Variants in ALDH1L2 observed in about 807,000 individuals in gnomAD.
ALDH1L2 encodes the protein aldehyde dehydrogenase 1 family member L2.
Under a neutral mutation model 111.0 loss-of-function variants are expected in ALDH1L2, and 91 were observed. The observed-to-expected ratio is 0.82, with a 90% CI of 0.69 to 0.98. The LOEUF is 0.98. Among genes scored for constraint, ALDH1L2 ranks in the 50% least tolerant of loss-of-function variants. ALDH1L2 has a pLI of 0.00. For synonymous variants in ALDH1L2, 374 were observed against 392.6 expected, an observed-to-expected ratio of 0.95 and a Z score of 0.56; for missense variants, 995 against 1,126.8, an observed-to-expected ratio of 0.88 and a Z score of 1.67.
intron 19 of ALDH1L2, among the ~76,000 whole-genome samples, chr12:105,032,614 TTAAG>T (rs896327058): frequency 2.0e-5 from 3 of 152,016 alleles, no homozygotes; most frequent in African/African-American, 7.3e-5. Flanking sequence ...CCTAGAGGGG[TTAAG>T]TAAGTGCACC....
chr12:105,046,212 TATATATATA>T lies in ALDH1L2; in HGVS notation c.1863+489_1863+497del, dbSNP rs1440220357. Among the ~76,000 whole-genome samples the T allele has an allele frequency of 4.2e-3, 257 of 61,648 alleles. 4 individuals are homozygous for T. Among genetic ancestry groups the T allele is most frequent in the East Asian group, 6.6e-3 (13 of 1,958 alleles). 40.4% of individuals were successfully genotyped at this position (61,648 alleles called of 152,430 possible). A position where few individuals can be genotyped will look rare whatever the true frequency, so the allele number is the denominator to read the frequency against. ...CTCTCTCTATATATATATATATATA[TATATATATA>T]TTTTTTTTTTTTTTTTTTTTTTTTT... On this transcript the variant is annotated intron_variant, in intron 15 of 22. Coordinates refer to ENST00000258494, the MANE Select transcript of ALDH1L2 (RefSeq NM_001034173.4).
chr12:105,050,813 A>G (rs1460589705), intron 12 of ALDH1L2: 2 of 333,216 alleles, frequency 6.0e-6, no homozygotes, highest in Non-Finnish European at 1.2e-5. Flanking sequence ...CATGAGACTT[A>G]TATACTTTCA....
intron 15 of ALDH1L2, among the ~76,000 whole-genome samples, chr12:105,045,093 TG>T (rs67075142): frequency 0.1 from 15,623 of 152,230 alleles, 897 homozygotes; most frequent in Middle Eastern, 0.16. Context: ...TTTGTTTGTT[TG>T]TTTTTTGAGA....
intron 18 of ALDH1L2, among the ~76,000 whole-genome samples, chr12:105,035,947 T>TTA (rs369184452): frequency 3.4e-5 from 3 of 87,934 alleles, no homozygotes; most frequent in Non-Finnish European, 5.9e-5. Context: ...TGTATATATA[T>TTA]TATATATATA....
intron 21 of ALDH1L2, chr12:105,030,114 T>C (rs988749908): frequency 5.6e-6 from 2 of 357,892 alleles, no homozygotes; most frequent in Admixed American, 4.6e-5. Context: ...AAGCCCATTA[T>C]GTTGGCCATT....
intron 18 of ALDH1L2, among the ~76,000 whole-genome samples, chr12:105,035,347 A>T (rs1228609573): frequency 6.6e-6 from 1 of 152,130 alleles, no homozygotes; most frequent in East Asian, 1.9e-4. Flanking sequence ...TATTTAAGAC[A>T]GTGTTTCTCT....
intron 2 of ALDH1L2, among the ~76,000 whole-genome samples, chr12:105,071,791 A>G (rs1187701820): frequency 6.7e-6 from 1 of 149,480 alleles, no homozygotes; most frequent in Non-Finnish European, 1.5e-5. Flanking sequence ...CGAGTAGTAT[A>G]TATTTAAAAA....
At chr12:105,059,198 C>T (rs1248981208) in intron 9 of ALDH1L2, among the ~76,000 whole-genome samples, 3 of 151,618 alleles carry the variant, frequency 2.0e-5, no homozygotes, top group Non-Finnish European at 2.9e-5. Context: ...ACCTGGGAGA[C>T]GGAGGTTGCA....
intron 15 of ALDH1L2, among the ~76,000 whole-genome samples, chr12:105,042,080 A>AACAC (rs57015503): frequency 3.9e-4 from 59 of 151,418 alleles, no homozygotes; most frequent in South Asian, 1.7e-3. Context: ...ATGTATACAC[A>AACAC]ACACACACAC....
At chr12:105,075,540 G>A (rs567060001) in intron 1 of ALDH1L2, among the ~76,000 whole-genome samples, 84 of 152,150 alleles carry the variant, frequency 5.5e-4, no homozygotes, top group Non-Finnish European at 1.1e-3. Context: ...AGCTGAGATC[G>A]CACCATTGCA....
rs776961153 is a variant in ALDH1L2 at position 105,068,896 on chromosome 12, A to C, written c.429-12T>G. ...CCATAATTAGAGTCCTGTGAAAAGA[A>C]GAATTTCAATTTAAAATGTTGGTTA... On this transcript the variant is annotated splice_polypyrimidine_tract_variant and intron_variant, in intron 3 of 22. Transcript: ENST00000258494. 35 of 1,539,832 alleles carry C rather than the reference A, an allele frequency of 2.3e-5. No individual in the cohort carries two copies. Among genetic ancestry groups the C allele is most frequent in the Non-Finnish European group, 3.1e-5 (35 of 1,146,444 alleles).
intron 1 of ALDH1L2, among the ~76,000 whole-genome samples, chr12:105,079,752 A>G (rs1022573314): frequency 3.3e-5 from 5 of 152,220 alleles, no homozygotes; most frequent in African/African-American, 1.2e-4. Context: ...AAGATCACAG[A>G]TAAGACTACA....
intron 15 of ALDH1L2, among the ~76,000 whole-genome samples, chr12:105,046,183 CTCTCTCTCTCTATA>C (rs1429525001): frequency 7.7e-5 from 2 of 26,106 alleles, no homozygotes; most frequent in African/African-American, 3.5e-4. Flanking sequence ...CTCTCTCTCT[CTCTCTCTCTCTATA>C]TATATATATA....
intron 15 of ALDH1L2, among the ~76,000 whole-genome samples, chr12:105,046,222 T>TATATATATATA (rs1565957152): frequency 2.6e-4 from 7 of 26,766 alleles, no homozygotes; most frequent in East Asian, 1.9e-3. Flanking sequence ...TATATATATA[T>TATATATATATA]TTTTTTTTTT....
chr12:105,071,425 T>C (rs887892908), intron 2 of ALDH1L2, among the ~76,000 whole-genome samples: 1 of 151,750 alleles, frequency 6.6e-6, no homozygotes, highest in African/African-American at 2.4e-5. Context: ...CAGGGTCTCC[T>C]TCCTGAGAAG....
intron 3 of ALDH1L2, 24 bp downstream of exon 3, chr12:105,070,546 A>C: frequency 6.3e-7 from 1 of 1,578,420 alleles, no homozygotes; most frequent in Non-Finnish European, 8.6e-7. Flanking sequence ...CTCAAAAAAA[A>C]AAAGTAAAAA....
chr12:105,047,166 A>G (rs1875974759), intron 13 of ALDH1L2, among the ~76,000 whole-genome samples, 197 bp from the exon 14 acceptor site: 1 of 152,218 alleles, frequency 6.6e-6, no homozygotes, highest in Non-Finnish European at 1.5e-5. Context: ...ACAGAAGAAT[A>G]AACATAATTC....
intron 1 of ALDH1L2, among the ~76,000 whole-genome samples, chr12:105,077,544 G>A (rs1592812535): frequency 6.6e-6 from 1 of 151,728 alleles, no homozygotes; most frequent in East Asian, 1.9e-4. Context: ...ATCCCAAAGT[G>A]CTAGGATTAC....
At chr12:105,052,047 G>C in intron 12 of ALDH1L2, 43 bp downstream of exon 12, 1 of 1,483,978 alleles carries the variant, frequency 6.7e-7, no homozygotes, top group Non-Finnish European at 9.0e-7. Flanking sequence ...GTCTCTACCA[G>C]AGTTACTTTT....
Sources: gnomAD v4.1 joint callset for allele counts (sites outside exome capture counted in the v4.1 genomes callset) on GRCh38, gnomAD v4.1.1 for gene constraint, MANE v1.5 for transcripts, NCBI Gene and HGNC (gene_info 2026-07-23, HGNC 2026-07-21) for gene names.